The following NRXN1 variants were observed in gnomAD, a reference collection of about 807,000 sequenced individuals.
NRXN1 encodes the protein neurexin-1.
Under a neutral mutation model 150.9 loss-of-function variants are expected in NRXN1, and 39 were observed. The observed-to-expected ratio is 0.26, with a 90% CI of 0.20 to 0.34. NRXN1 has a LOEUF of 0.34. Among genes scored for constraint, NRXN1 ranks in the 10% least tolerant of loss-of-function variants. NRXN1 has a pLI of 1.00. For missense variants in NRXN1, 1,815 were observed against 1,949.9 expected, an observed-to-expected ratio of 0.93 and a Z score of 1.30; for synonymous variants, 924 against 757.0, an observed-to-expected ratio of 1.22 and a Z score of -3.62.
chr2:50,807,281 A>G (rs1017577531), intron 5 of NRXN1, among the ~76,000 whole-genome samples: 2 of 152,158 alleles, frequency 1.3e-5, no homozygotes, highest in Non-Finnish European at 2.9e-5. Flanking sequence ...GGGACAAGTT[A>G]ATGACAGATT....
intron 5 of NRXN1, among the ~76,000 whole-genome samples, chr2:50,694,616 A>T (rs192523292): frequency 7.9e-5 from 12 of 152,284 alleles, no homozygotes; most frequent in Admixed American, 5.2e-4. Flanking sequence ...AAGAAGCATC[A>T]TATCCTTTGG....
intron 2 of NRXN1, among the ~76,000 whole-genome samples, chr2:51,020,478 G>C (rs1361672460): frequency 6.6e-6 from 1 of 151,798 alleles, no homozygotes; most frequent in Non-Finnish European, 1.5e-5. Flanking sequence ...CATTTAAAAT[G>C]ACCCCAAAGT....
intron 22 of NRXN1, among the ~76,000 whole-genome samples, chr2:49,928,766 T>C (rs1207629233): frequency 6.6e-6 from 1 of 152,166 alleles, no homozygotes; most frequent in Non-Finnish European, 1.5e-5. Flanking sequence ...ACACAATGAT[T>C]TATATGACAT....
chr2:50,814,957 CAT>C (rs1031835319), intron 5 of NRXN1, among the ~76,000 whole-genome samples: 19 of 151,666 alleles, frequency 1.3e-4, no homozygotes, highest in African/African-American at 4.4e-4. Flanking sequence ...GATTCTACGA[CAT>C]AGAATAAGGA....
At chr2:50,925,828 A>G in intron 3 of NRXN1, 110 bp downstream of exon 3, 1 of 826,306 alleles carries the variant, frequency 1.2e-6, no homozygotes, top group East Asian at 2.7e-5. Context: ...AGAAACCAAC[A>G]AATGTTCAGA....
intron 17 of NRXN1, among the ~76,000 whole-genome samples, chr2:50,345,074 A>G (rs1481711878): frequency 6.6e-6 from 1 of 152,206 alleles, no homozygotes; most frequent in African/African-American, 2.4e-5. Context: ...GAAACTCCTT[A>G]TTCTTTCAGA....
chr2:49,972,364 T>C (rs1173852143), intron 21 of NRXN1, among the ~76,000 whole-genome samples: 1 of 152,128 alleles, frequency 6.6e-6, no homozygotes, highest in Non-Finnish European at 1.5e-5. Flanking sequence ...AATACTTAAA[T>C]AAAATATTCA....
chr2:50,134,344 A>C (rs1486662448), intron 18 of NRXN1, among the ~76,000 whole-genome samples: 1 of 151,772 alleles, frequency 6.6e-6, no homozygotes, highest in Non-Finnish European at 1.5e-5. Context: ...ACAGAAATGC[A>C]TGGCCATCAT....
intron 5 of NRXN1, among the ~76,000 whole-genome samples, chr2:50,730,022 C>T (rs1156520860): frequency 1.3e-5 from 2 of 152,174 alleles, no homozygotes; most frequent in East Asian, 3.9e-4. Context: ...TGTCATCTTG[C>T]AGCCACTCTC....
At chr2:50,838,919 C>T (rs1574659404) in intron 5 of NRXN1, among the ~76,000 whole-genome samples, 1 of 152,140 alleles carries the variant, frequency 6.6e-6, no homozygotes, top group East Asian at 1.9e-4. Context: ...CATTCCAGAG[C>T]TTACAGTCCC....
At chr2:50,708,951 T>A (rs538924252) in intron 5 of NRXN1, among the ~76,000 whole-genome samples, 1 of 152,280 alleles carries the variant, frequency 6.6e-6, no homozygotes, top group African/African-American at 2.4e-5. Flanking sequence ...GCTTTGGCCA[T>A]TGGCATTCAC....
intron 17 of NRXN1, among the ~76,000 whole-genome samples, chr2:50,303,051 T>C (rs115988155): frequency 0.028 from 4,277 of 152,234 alleles, 72 homozygotes; most frequent in African/African-American, 0.037. Flanking sequence ...CCGAACTCAG[T>C]CTGCCTAGAA....
At chr2:50,937,482 T>C (rs1457497294) in intron 2 of NRXN1, among the ~76,000 whole-genome samples, 1 of 152,152 alleles carries the variant, frequency 6.6e-6, no homozygotes, top group African/African-American at 2.4e-5. Flanking sequence ...TTAAGTTGTA[T>C]TCTCACACCA....
intron 17 of NRXN1, among the ~76,000 whole-genome samples, chr2:50,396,977 G>A (rs985234707): frequency 6.6e-6 from 1 of 152,086 alleles, no homozygotes; most frequent in African/African-American, 2.4e-5. Context: ...GAGAAGGGAA[G>A]AAGATAAATC....
intron 21 of NRXN1, among the ~76,000 whole-genome samples, chr2:49,995,858 T>G (rs1573298928): frequency 1.8e-5 from 1 of 55,630 alleles, no homozygotes; most frequent in Non-Finnish European, 3.3e-5. Context: ...CCATGCTGGA[T>G]AGTAAAAAAA....
At chr2:50,503,120 C>T (rs2092036874) in intron 13 of NRXN1, among the ~76,000 whole-genome samples, 1 of 151,964 alleles carries the variant, frequency 6.6e-6, no homozygotes, top group Non-Finnish European at 1.5e-5. Context: ...CAAGCCTGGC[C>T]AACATGGTGA....
intron 5 of NRXN1, among the ~76,000 whole-genome samples, chr2:50,683,646 A>AAAAAAAAAAAAAAAAAATATATATATAT: frequency 6.7e-4 from 10 of 14,896 alleles, no homozygotes; most frequent in Non-Finnish European, 7.6e-4. Context: ...AAAAAAAAAA[A>AAAAAAAAAAAAAAAAAATATATATATAT]ATATATATAT....
At chr2:50,162,218 A>T (rs1459857369) in intron 18 of NRXN1, among the ~76,000 whole-genome samples, 1 of 152,172 alleles carries the variant, frequency 6.6e-6, no homozygotes, top group Non-Finnish European at 1.5e-5. Flanking sequence ...CTAAATAAGA[A>T]CTAGGCGTTT....
rs1239605796 is a variant in NRXN1 at position 50,783,347 on chromosome 2, G to C, written c.832+138522C>G. Among the ~76,000 whole-genome samples, 4 of 152,008 alleles carry C rather than the reference G, an allele frequency of 2.6e-5. No homozygotes were observed. In the Admixed American group the frequency reaches 2.6e-4, roughly 10 times the overall value. On this transcript the variant is annotated intron_variant, in intron 5 of 22. Coordinates refer to ENST00000401669, the MANE Select transcript of NRXN1 (RefSeq NM_001330078.2). ...GCATGGGGATTCTGTTAAATTGTGG[G>C]TGTAGCTGATATTCTTGGTTACCTG...
Sources: gnomAD v4.1 joint callset for allele counts (sites outside exome capture counted in the v4.1 genomes callset) on GRCh38, gnomAD v4.1.1 for gene constraint, MANE v1.5 for transcripts, NCBI Gene and HGNC (gene_info 2026-07-23, HGNC 2026-07-21) for gene names.